The following TAS2R1 variants were observed in gnomAD, a reference collection of about 807,000 sequenced individuals.
TAS2R1 encodes taste receptor type 2 member 1.
For missense variants in TAS2R1, 370 were observed against 353.4 expected (o/e 1.05, Z -0.38); for synonymous variants, 141 against 134.2 (o/e 1.05, Z -0.35).
At chr5:9,864,435 C>T in the TAS2R1 span, among the ~76,000 whole-genome samples, 1 of 151,892 alleles carries the variant, frequency 6.6e-6, no homozygotes. Context: ...TGAGACCAGA[C>T]TGGCCAACAC....
At chr5:9,882,922 A>G in the TAS2R1 span, among the ~76,000 whole-genome samples, 1 of 152,356 alleles carries the variant, frequency 6.6e-6, no homozygotes, top group East Asian at 1.9e-4. Context: ...AGACACATGC[A>G]TGCATATGTT....
intron 2 of TAS2R1, among the ~76,000 whole-genome samples, chr5:9,640,571 G>A (rs1461964998): frequency 6.9e-6 from 1 of 144,284 alleles, no homozygotes. Flanking sequence ...ATAAAATGAG[G>A]TATGCTTGTA....
At chr5:9,753,251 T>G in the TAS2R1 span, among the ~76,000 whole-genome samples, 157 of 152,388 alleles carry the variant, frequency 1.0e-3, 1 homozygote, top group East Asian at 2.3e-3. Context: ...CTAACTGGTT[T>G]GAGATGGTAT....
chr5:9,730,761 A>G, the TAS2R1 span, among the ~76,000 whole-genome samples: 3 of 152,126 alleles, frequency 2.0e-5, no homozygotes, highest in Admixed American at 2.0e-4. Flanking sequence ...CATAATTCCC[A>G]CGTGTTGTAG....
chr5:9,790,820 T>A, the TAS2R1 span, among the ~76,000 whole-genome samples: 3 of 151,806 alleles, frequency 2.0e-5, no homozygotes, highest in African/African-American at 7.3e-5. Context: ...TTTAGTAGAG[T>A]TTTTTAGTGG....
At chr5:9,684,862 GA>G (rs547606362) in intron 1 of TAS2R1, among the ~76,000 whole-genome samples, 1 of 151,474 alleles carries the variant, frequency 6.6e-6, no homozygotes, top group Admixed American at 6.6e-5. Flanking sequence ...AAAGTTAAAG[GA>G]AAAAAAAGAC....
At position 9,629,772 on chromosome 5, in the gene TAS2R1, A is replaced by C. The variant is rs1207125969; in HGVS notation, c.261T>G (p.Phe87Leu). 1 of 1,613,712 alleles carries C rather than the reference A, an allele frequency of 6.2e-7. No homozygotes were observed. The highest frequency in any genetic ancestry group is 8.5e-7 in the Non-Finnish European group (1 of 1,179,874). ...CAAGCCAAAGTTCCAATTCATTTATAAATAAGAGAATTGCACAATTCGCAG... is the reference window on the plus strand; with the variant it reads ...CAAGCCAAAGTTCCAATTCATTTATCAATAAGAGAATTGCACAATTCGCAG... ...MCSANCAILL[F>L]INELELWLAT... The change falls in exon 1 of 1, where the codon TTT becomes TTG. Residue 87 changes from phenylalanine to leucine, a missense_variant. By Grantham distance (22) the Phe-to-Leu change is conservative. Transcript: ENST00000382492.
chr5:9,778,156 A>T, the TAS2R1 span, among the ~76,000 whole-genome samples: 4 of 151,648 alleles, frequency 2.6e-5, no homozygotes, highest in Middle Eastern at 6.9e-3. Context: ...CTGGGATTAC[A>T]GGCGTGAGCC....
At chr5:9,757,408 C>T in the TAS2R1 span, among the ~76,000 whole-genome samples, 1 of 152,110 alleles carries the variant, frequency 6.6e-6, no homozygotes, top group Non-Finnish European at 1.5e-5. Flanking sequence ...TTTCCTATTT[C>T]ACAGAGAAAA....
At chr5:9,688,803 G>A (rs2126516015) in intron 1 of TAS2R1, among the ~76,000 whole-genome samples, 1 of 152,172 alleles carries the variant, frequency 6.6e-6, no homozygotes, top group South Asian at 2.1e-4. Flanking sequence ...CCCAATCCCA[G>A]AAGCCCACAC....
the TAS2R1 span, among the ~76,000 whole-genome samples, chr5:9,779,589 T>C: frequency 6.6e-6 from 1 of 152,168 alleles, no homozygotes; most frequent in Non-Finnish European, 1.5e-5. Flanking sequence ...AGCTGGTCAG[T>C]GGAGAAATCA....
chr5:9,835,654 A>G, the TAS2R1 span, among the ~76,000 whole-genome samples: 5 of 152,150 alleles, frequency 3.3e-5, no homozygotes, highest in Non-Finnish European at 1.5e-5. Context: ...GATGCCAAGG[A>G]AGAACACCCA....
the TAS2R1 span, among the ~76,000 whole-genome samples, chr5:9,826,717 T>G: frequency 6.6e-6 from 1 of 152,208 alleles, no homozygotes; most frequent in South Asian, 2.1e-4. Context: ...TTAAAACATA[T>G]TTTTGAAAAA....
chr5:9,764,298 C>T, the TAS2R1 span, among the ~76,000 whole-genome samples: 103 of 152,238 alleles, frequency 6.8e-4, 1 homozygote, highest in African/African-American at 2.2e-3. Flanking sequence ...GGATGGTGTC[C>T]GACACATCTG....
the TAS2R1 span, among the ~76,000 whole-genome samples, chr5:9,892,061 T>C: frequency 6.6e-6 from 1 of 152,158 alleles, no homozygotes; most frequent in Non-Finnish European, 1.5e-5. Flanking sequence ...AGAACCCATA[T>C]GGGCCCCAAC....
chr5:9,668,021 T>A (rs1460178135), intron 1 of TAS2R1, among the ~76,000 whole-genome samples: 2 of 152,140 alleles, frequency 1.3e-5, no homozygotes, highest in Non-Finnish European at 2.9e-5. Context: ...ATCTAAGGAA[T>A]GCAGTAACAT....
At chr5:9,665,276 G>C (rs1288629497) in intron 1 of TAS2R1, among the ~76,000 whole-genome samples, 1 of 152,198 alleles carries the variant, frequency 6.6e-6, no homozygotes, top group African/African-American at 2.4e-5. Context: ...AAGGGCTCCT[G>C]CTCCTGCGAT....
chr5:9,869,126 A>G, the TAS2R1 span, among the ~76,000 whole-genome samples: 1 of 151,790 alleles, frequency 6.6e-6, no homozygotes, highest in South Asian at 2.1e-4. Context: ...AACTGTTCCA[A>G]CCTCTGCCTG....
At chr5:9,839,952 G>A in the TAS2R1 span, among the ~76,000 whole-genome samples, 1 of 152,134 alleles carries the variant, frequency 6.6e-6, no homozygotes, top group East Asian at 1.9e-4. Flanking sequence ...ACCCAATTTG[G>A]CTTACCATTC....
Sources: allele counts gnomAD v4.1 joint callset (sites outside exome capture counted in the v4.1 genomes callset), GRCh38; gene constraint gnomAD v4.1.1; transcripts MANE v1.5; gene names NCBI Gene and HGNC (gene_info 2026-07-23, HGNC 2026-07-21).